Variants in SYNE2 observed in about 807,000 individuals in gnomAD.
The protein encoded by SYNE2 is nesprin-2.
A neutral mutation model predicts 856.3 loss-of-function variants in SYNE2; 431 were observed. The ratio of observed to expected loss-of-function variants is 0.50; its 90% CI spans 0.47 to 0.55. The LOEUF (loss-of-function observed/expected upper bound fraction) is 0.55. Among genes scored for constraint, SYNE2 ranks in the 20% least tolerant of loss-of-function variants. The probability of loss-of-function intolerance (pLI) is 0.00; values close to 1 mark genes in which losing one functional copy is unlikely to be tolerated. For synonymous variants in SYNE2, 2,923 were observed against 2,872.3 expected (o/e 1.02, Z -0.56); for missense variants, 8,129 against 8,023.2 (o/e 1.01, Z -0.50).
rs1188374243 is a variant in SYNE2, at chr14:63,944,517, CTT to C, written c.408+2397_408+2398del. ...TAGGGTTTGCAAACTTAAAGCCTTT[CTT>C]TTTTTTTTTTTTTTTTTTTTTTGAG... On this transcript the variant is annotated intron_variant, in intron 6 of 115. Coordinates refer to ENST00000555002, the MANE Select transcript of SYNE2 (RefSeq NM_182914.3). Among the ~76,000 whole-genome samples the C allele has an allele frequency of 1.0e-3, 93 of 90,118 alleles. No homozygotes were observed. The South Asian group carries it at 0.015, about 14-fold the overall frequency. The allele number at this position is 90,118 out of a possible 152,430, so 59.1% of individuals were successfully genotyped here. A position where few individuals can be genotyped will look rare whatever the true frequency, so the allele number is the denominator to read the frequency against.
At chr14:64,168,164 C>T (rs539767125) in intron 92 of SYNE2, among the ~76,000 whole-genome samples, 140 of 152,192 alleles carry the variant, frequency 9.2e-4, no homozygotes, top group Middle Eastern at 3.4e-3. Context: ...AGTGCAGTGG[C>T]GCAATCTCGG....
At chr14:64,106,465 C>T (rs948309299) in intron 64 of SYNE2, among the ~76,000 whole-genome samples, 12 of 152,108 alleles carry the variant, frequency 7.9e-5, no homozygotes, top group Non-Finnish European at 1.6e-4. Context: ...CTGGCTAAAA[C>T]GGTGAAACCC....
rs1464529475 is a variant in SYNE2, at chr14:64,065,591, A to G, written c.10372A>G (p.Lys3458Glu). Residue 3458 changes from lysine (K) to glutamate (E), a missense_variant, in exon 51 of 116, where the codon AAA becomes GAA. This residue lies in a region of SYNE2 where 5,410 missense variants were observed against 5,284.8 expected (regional missense o/e 1.02). Coordinates refer to ENST00000555002, the MANE Select transcript of SYNE2 (RefSeq NM_182914.3). ...EKWLSLLEAA[K>E]EWEMWCEELK... Reference sequence around the variant, plus strand: ...ATGGCTGAGTTTGCTGGAAGCTGCTAAAGAGTGGGAGATGTGGTGCGAAGA... The same window carrying G: ...ATGGCTGAGTTTGCTGGAAGCTGCTGAAGAGTGGGAGATGTGGTGCGAAGA... 1.5e-5 allele frequency: 25 copies of G among 1,614,214 alleles called. No homozygotes were observed. The highest frequency in any genetic ancestry group is 2.1e-5 in the Non-Finnish European group (25 of 1,180,046).
intron 99 of SYNE2, among the ~76,000 whole-genome samples, 160 bp downstream of exon 99, chr14:64,190,397 A>G (rs2098512575): frequency 6.6e-6 from 1 of 152,234 alleles, no homozygotes; most frequent in Admixed American, 6.5e-5. Flanking sequence ...TTTCAGTGTT[A>G]CAAAAAGAAT....
In SYNE2 at chr14:64,052,115, C is replaced by A; in HGVS notation, c.8202C>A (p.Asn2734Lys). 6.2e-7 allele frequency: 1 copy of A among 1,614,154 alleles called. No homozygotes were observed. Among genetic ancestry groups the A allele is most frequent in the Non-Finnish European group, 8.5e-7 (1 of 1,180,010 alleles). Residue 2734 changes from asparagine to lysine, a missense_variant, in exon 48 of 116, where the codon AAC (asparagine) becomes AAA (lysine). Transcript: ENST00000555002. ...AGATTAAGAAGTGTGACATAAGGAA[C>A]AAGATGAAAGAGACTATCTTATGGG... ...ENQIKKCDIR[N>K]KMKETILWAK... is the part of the protein sequence containing the mutation.
intron 32 of SYNE2, among the ~76,000 whole-genome samples, chr14:64,013,323 A>ATT (rs57074861): frequency 2.2e-4 from 30 of 136,344 alleles, no homozygotes; most frequent in African/African-American, 7.8e-4. Context: ...TCCTCATTAA[A>ATT]TTTTTTTTTT....
intron 1 of SYNE2, among the ~76,000 whole-genome samples, chr14:63,837,157 T>C (rs114209922): frequency 0.011 from 1,640 of 152,318 alleles, 27 homozygotes; most frequent in African/African-American, 0.038. Flanking sequence ...TTATGGTCAA[T>C]TGATTTTTAA....
intron 18 of SYNE2, among the ~76,000 whole-genome samples, chr14:63,984,216 C>T (rs949707151): frequency 6.6e-6 from 1 of 152,088 alleles, no homozygotes; most frequent in African/African-American, 2.4e-5. Flanking sequence ...TGCACTCCAG[C>T]CTGGGTGACA....
At chr14:64,008,882 T>C (rs970751398) in intron 31 of SYNE2, among the ~76,000 whole-genome samples, 7 of 152,142 alleles carry the variant, frequency 4.6e-5, no homozygotes, top group African/African-American at 1.7e-4. Flanking sequence ...AGAGGCTGAG[T>C]GGCATGACCT....
At chr14:64,223,981 T>C (rs1434584276) in intron 113 of SYNE2, among the ~76,000 whole-genome samples, 1 of 152,080 alleles carries the variant, frequency 6.6e-6, no homozygotes, top group East Asian at 1.9e-4. Context: ...GGCTTTTCCT[T>C]GTTTACATTC....
At chr14:63,800,191 CT>C (rs1888079142) in intron 1 of SYNE2, among the ~76,000 whole-genome samples, 1 of 152,060 alleles carries the variant, frequency 6.6e-6, no homozygotes, top group African/African-American at 2.4e-5. Flanking sequence ...GGCAATTAGT[CT>C]CTGATTTTCT....
At chr14:64,212,453 G>A (rs2098646358) in intron 104 of SYNE2, among the ~76,000 whole-genome samples, 1 of 152,196 alleles carries the variant, frequency 6.6e-6, no homozygotes, top group South Asian at 2.1e-4. Flanking sequence ...GAATATTATT[G>A]TGTCAGCAAA....
intron 1 of SYNE2, among the ~76,000 whole-genome samples, chr14:63,841,319 G>A (rs1890059940): frequency 6.6e-6 from 1 of 152,190 alleles, no homozygotes; most frequent in Non-Finnish European, 1.5e-5. Context: ...AAAAGCAAAA[G>A]GCTGGATGTA....
In SYNE2 at chr14:64,042,190, A is replaced by G. The variant is rs191257655; in HGVS notation, c.7222-5810A>G. ...ATCTGTTAACATGGATAAACCTCCAAACCTACTGCTGAGTGGAAAAAAACA... is the reference window on the plus strand; with the variant it reads ...ATCTGTTAACATGGATAAACCTCCAGACCTACTGCTGAGTGGAAAAAAACA... On this transcript the variant is annotated intron_variant, in intron 45 of 115. Coordinates refer to ENST00000555002, the MANE Select transcript of SYNE2 (RefSeq NM_182914.3). Among the ~76,000 whole-genome samples, 5 of 152,350 alleles carry G rather than the reference A, an allele frequency of 3.3e-5. No homozygotes were observed. In the East Asian group the frequency reaches 9.6e-4, roughly 29 times the overall value.
intron 99 of SYNE2, chr14:64,202,184 TAGAC>T: frequency 1.4e-6 from 1 of 702,316 alleles, no homozygotes; most frequent in South Asian, 1.5e-5. Flanking sequence ...CCCTCCCTTT[TAGAC>T]GGACAGAGAT....
chr14:63,954,773 T>A lies in SYNE2; in HGVS notation c.645T>A (p.Ala215=). The change falls in exon 8 of 116, where the codon GCT becomes GCA. Residue 215 remains alanine, a synonymous_variant. Transcript: ENST00000555002. ...AGTCAAGTTGGAGAAATGGGATGGC[T>A]TTTTTGGCCATCATTCATGCCTTGC... ...DFKSSWRNGM[A]FLAIIHALRP... is the part of the protein sequence containing the mutation. 1.2e-6 allele frequency: 2 copies of A among 1,613,892 alleles called. No individual in the cohort carries two copies. The highest frequency in any genetic ancestry group is 1.7e-6 in the Non-Finnish European group (2 of 1,179,874).
At chr14:63,970,919 C>T (rs1001055709) in intron 11 of SYNE2, among the ~76,000 whole-genome samples, 1 of 151,566 alleles carries the variant, frequency 6.6e-6, no homozygotes, top group African/African-American at 2.4e-5. Context: ...TCCCAAAGTG[C>T]TGGTATTACA....
Position 64,089,632 on chromosome 14 carries a change from A to C in SYNE2, c.11729A>C (p.Lys3910Thr), listed in dbSNP as rs142616444. ...ATGGAAAAAAGAGTTTCAAAAATCA[A>C]AACTATCCTATTATCAAAAGAAATA... Reference protein sequence around the residue: ...KSMEKRVSKIKTILLSKEIFD... With the variant: ...KSMEKRVSKITTILLSKEIFD... Residue 3910 changes from lysine (K) to threonine (T), a missense_variant, in exon 59 of 116, where the codon AAA becomes ACA. Lys to Thr is a moderately conservative substitution (Grantham distance 78). Coordinates refer to ENST00000555002, the MANE Select transcript of SYNE2 (RefSeq NM_182914.3). 1 of 1,606,100 alleles carries C rather than the reference A, an allele frequency of 6.2e-7. No homozygotes were observed. The highest frequency in any genetic ancestry group is 1.1e-5 in the South Asian group (1 of 90,860).
Position 63,949,995 on chromosome 14 carries a change from A to C in SYNE2, c.579A>C (p.Glu193Asp), listed in dbSNP as rs1242629574. 1 of 1,614,114 alleles carries C rather than the reference A, an allele frequency of 6.2e-7. No homozygotes were observed. Among genetic ancestry groups the C allele is most frequent in the South Asian group, 1.1e-5 (1 of 91,090 alleles). ...ARKALLLWAQ[E>D]QCATYESVNV... ...AGGCCCTTCTTTTGTGGGCTCAGGA[A>C]CAATGCGCCACGTAAGTAGTTTGCT... Residue 193 changes from glutamate to aspartate, a missense_variant, in exon 7 of 116, where the codon GAA becomes GAC. Physicochemically the swap from Glu to Asp is conservative, Grantham distance 45 (BLOSUM62 2). Around this residue, in one of 3 missense-constraint regions of SYNE2, gnomAD observed 2,422 missense variants for 2,357.4 expected, o/e 1.03. Transcript: ENST00000555002.
Sources: allele counts gnomAD v4.1 joint callset (sites outside exome capture counted in the v4.1 genomes callset), GRCh38; gene constraint gnomAD v4.1.1; regional missense constraint gnomAD v4.1.1; transcripts MANE v1.5; gene names NCBI Gene and HGNC (gene_info 2026-07-23, HGNC 2026-07-21).